ADAMTS17: variants seen among roughly 807,000 people sequenced by gnomAD.
ADAMTS17 encodes A disintegrin and metalloproteinase with thrombospondin motifs 17.
ADAMTS17 carries 113 observed loss-of-function variants against 141.5 expected under a neutral mutation model. That is an observed-to-expected ratio of 0.80 (90% confidence interval 0.69 to 0.93). ADAMTS17 has a LOEUF of 0.93. Among genes scored for constraint, ADAMTS17 ranks in the 40% least tolerant of loss-of-function variants. ADAMTS17 has a pLI of 0.00. For synonymous variants in ADAMTS17, 768 were observed against 630.6 expected, an observed-to-expected ratio of 1.22 and a Z score of -3.27; for missense variants, 1,659 against 1,517.9, an observed-to-expected ratio of 1.09 and a Z score of -1.54.
chr15:100,243,516 G>A (rs537031982), intron 7 of ADAMTS17, among the ~76,000 whole-genome samples: 30 of 152,324 alleles, frequency 2.0e-4, no homozygotes, highest in Non-Finnish European at 3.5e-4. Flanking sequence ...CTGGCTGGGT[G>A]CCATGGCTCA....
intron 3 of ADAMTS17, among the ~76,000 whole-genome samples, chr15:100,291,620 C>T (rs2044626997): frequency 6.6e-6 from 1 of 152,010 alleles, no homozygotes; most frequent in South Asian, 2.1e-4. Context: ...GACTGGTAAA[C>T]AAAATGTGGT....
chr15:100,156,536 G>C (rs1013509160), intron 8 of ADAMTS17, among the ~76,000 whole-genome samples: 18 of 152,192 alleles, frequency 1.2e-4, no homozygotes, highest in African/African-American at 4.1e-4. Context: ...TCAGTGGAGG[G>C]GGGGCATCCT....
Position 100,265,338 on chromosome 15 carries a change from CAGG to C in ADAMTS17, c.790-2906_790-2904del, listed in dbSNP as rs987034558. Among the ~76,000 whole-genome samples the C allele has an allele frequency of 1.3e-3, 198 of 152,284 alleles. 1 individual carries two copies. The highest frequency in any genetic ancestry group is 4.6e-3 in the African/African-American group (193 of 41,550). On this transcript the variant is annotated intron_variant, in intron 4 of 21. Transcript: ENST00000268070. The stretch of plus-strand genomic sequence containing the variant: ...TTTTTTTCCCATGGAAACTCATGCT[CAGG>C]AGAAGTCTTGGAGGCAACGGCTATA...
intron 15 of ADAMTS17, among the ~76,000 whole-genome samples, chr15:100,083,306 G>A (rs912899911): frequency 6.6e-6 from 1 of 152,166 alleles, no homozygotes; most frequent in Non-Finnish European, 1.5e-5. Flanking sequence ...AGCAGCAGGG[G>A]CTGGAAGCAG....
At chr15:100,182,732 G>A (rs1050050303) in intron 8 of ADAMTS17, among the ~76,000 whole-genome samples, 1 of 152,200 alleles carries the variant, frequency 6.6e-6, no homozygotes, top group African/African-American at 2.4e-5. Flanking sequence ...GGTGACAACT[G>A]ATGGAGGCTT....
At chr15:100,223,425 G>A (rs976483665) in intron 7 of ADAMTS17, among the ~76,000 whole-genome samples, 4 of 152,094 alleles carry the variant, frequency 2.6e-5, no homozygotes, top group Admixed American at 2.6e-4. Flanking sequence ...TGCTACTTCT[G>A]CATGAAGTAT....
chr15:100,272,117 A>G (rs777458691), intron 4 of ADAMTS17, among the ~76,000 whole-genome samples: 13 of 152,148 alleles, frequency 8.5e-5, no homozygotes, highest in Non-Finnish European at 1.5e-4. Flanking sequence ...ACAGCTTTTG[A>G]GTAAATTTTG....
chr15:100,152,281 T>G (rs1382953519), intron 10 of ADAMTS17, among the ~76,000 whole-genome samples: 1 of 152,174 alleles, frequency 6.6e-6, no homozygotes, highest in Non-Finnish European at 1.5e-5. Flanking sequence ...ATTAAAATGT[T>G]AGGCTACCAG....
chr15:100,194,954 C>G (rs553307740), intron 8 of ADAMTS17, among the ~76,000 whole-genome samples: 83 of 152,314 alleles, frequency 5.4e-4, no homozygotes, highest in African/African-American at 1.9e-3. Flanking sequence ...AAAGGAGACC[C>G]CGGCTAAAAA....
At position 100,061,479 on chromosome 15, in the gene ADAMTS17, G is replaced by A. The variant is rs186797153; in HGVS notation, c.2138-7425C>T. ...CCTCAGGCTTCAGGAGCTGAGGGAC[G>A]ATCACAAGAGCTGGTTCTCCTGGGT... On this transcript the variant is annotated intron_variant, in intron 15 of 21. Transcript: ENST00000268070. Among the ~76,000 whole-genome samples, 8 of 152,148 alleles carry A rather than the reference G, an allele frequency of 5.3e-5. No individual in the cohort carries two copies. In the South Asian group the frequency reaches 1.5e-3, roughly 28 times the overall value.
At chr15:100,269,416 C>T (rs1445914113) in intron 4 of ADAMTS17, among the ~76,000 whole-genome samples, 6 of 152,192 alleles carry the variant, frequency 3.9e-5, no homozygotes, top group Non-Finnish European at 7.3e-5. Context: ...GGTAACTAGA[C>T]ACATTGCTGG....
chr15:100,330,974 T>C lies in ADAMTS17; in HGVS notation c.531A>G (p.Glu177=). ...NNSQGPFSGR[E]HLIRRKWSLT... ...AGGACCATTTGCGCCTGATCAGATGTTCTCGTCCACTGAATGGGCCCTGGG... is the reference window on the plus strand; with the variant it reads ...AGGACCATTTGCGCCTGATCAGATGCTCTCGTCCACTGAATGGGCCCTGGG... Residue 177 remains glutamate, a synonymous_variant, in exon 3 of 22, where the codon GAA becomes GAG. Coordinates refer to ENST00000268070, the MANE Select transcript of ADAMTS17 (RefSeq NM_139057.4). The C allele has an allele frequency of 1.2e-6, 2 of 1,614,156 alleles. No individual in the cohort carries two copies. The highest frequency in any genetic ancestry group is 1.7e-6 in the Non-Finnish European group (2 of 1,180,028).
At chr15:100,071,100 G>A (rs1448594754) in intron 15 of ADAMTS17, among the ~76,000 whole-genome samples, 2 of 150,264 alleles carry the variant, frequency 1.3e-5, no homozygotes, top group African/African-American at 4.9e-5. Flanking sequence ...TGCCATCAGA[G>A]ATACCATAAA....
intron 8 of ADAMTS17, among the ~76,000 whole-genome samples, chr15:100,158,823 GT>G (rs1414765216): frequency 8.5e-5 from 13 of 152,224 alleles, no homozygotes; most frequent in South Asian, 2.1e-4. Flanking sequence ...TTGAGAAGAC[GT>G]TTCTCTAAAG....
chr15:100,183,387 T>C (rs2040592823), intron 8 of ADAMTS17, among the ~76,000 whole-genome samples: 1 of 152,214 alleles, frequency 6.6e-6, no homozygotes, highest in Non-Finnish European at 1.5e-5. Flanking sequence ...TGAATTATAT[T>C]CATCTAAGTT....
intron 7 of ADAMTS17, among the ~76,000 whole-genome samples, chr15:100,202,182 A>T (rs1226933662): frequency 6.6e-6 from 1 of 152,226 alleles, no homozygotes; most frequent in Non-Finnish European, 1.5e-5. Context: ...GGCCTCAGCC[A>T]CACTCAGCAC....
At chr15:100,244,489 G>C (rs1347141262) in intron 7 of ADAMTS17, among the ~76,000 whole-genome samples, 3 of 151,806 alleles carry the variant, frequency 2.0e-5, no homozygotes, top group Non-Finnish European at 4.4e-5. Context: ...CCTGGTGGGA[G>C]GTAAATGAAT....
intron 4 of ADAMTS17, among the ~76,000 whole-genome samples, chr15:100,270,981 TA>T (rs2043888973): frequency 6.6e-6 from 1 of 151,852 alleles, no homozygotes; most frequent in Non-Finnish European, 1.5e-5. Context: ...CTACCCTACG[TA>T]AGTGGAATCA....
At chr15:100,251,907 C>T (rs1010200194) in intron 7 of ADAMTS17, among the ~76,000 whole-genome samples, 1 of 152,168 alleles carries the variant, frequency 6.6e-6, no homozygotes, top group Non-Finnish European at 1.5e-5. Context: ...AGAGGAGAGG[C>T]CCTCAGGAGA....
Sources: allele counts gnomAD v4.1 joint callset (sites outside exome capture counted in the v4.1 genomes callset), GRCh38; gene constraint gnomAD v4.1.1; transcripts MANE v1.5; gene names NCBI Gene and HGNC (gene_info 2026-07-23, HGNC 2026-07-21).